Variants in MOSMO observed in about 807,000 individuals in gnomAD.
MOSMO encodes modulator of smoothened protein.
MOSMO carries 5 observed loss-of-function variants against 18.4 expected under a neutral mutation model. The observed-to-expected ratio is 0.27, with a 90% CI of 0.14 to 0.57. The LOEUF (loss-of-function observed/expected upper bound fraction) is 0.57. Ranked by LOEUF, MOSMO falls within the 20% of genes least tolerant of loss-of-function variation. The pLI is 0.92. For missense variants in MOSMO, 138 were observed against 211.8 expected, an observed-to-expected ratio of 0.65 and a Z score of 2.16; for synonymous variants, 82 against 82.3, an observed-to-expected ratio of 1.00 and a Z score of 0.02.
chr16:22,068,502 C>T (rs1476733452), intron 1 of MOSMO, among the ~76,000 whole-genome samples: 1 of 152,186 alleles, frequency 6.6e-6, no homozygotes, highest in Admixed American at 6.5e-5. Flanking sequence ...TTGTAACATT[C>T]CAAGAAAAAG....
chr16:22,039,146 A>G (rs1283517332), intron 1 of MOSMO, among the ~76,000 whole-genome samples: 2 of 152,188 alleles, frequency 1.3e-5, no homozygotes, highest in Admixed American at 6.5e-5. Context: ...ATACTGAATC[A>G]TATCAGTTTT....
intron 1 of MOSMO, among the ~76,000 whole-genome samples, chr16:22,042,636 T>C (rs2141732532): frequency 6.6e-6 from 1 of 152,200 alleles, no homozygotes; most frequent in Admixed American, 6.5e-5. Context: ...CTGTTGGAGG[T>C]ATATATTTTC....
rs6497566 is a variant in MOSMO at position 22,045,841 on chromosome 16, G to A, written c.107-29646G>A. Among the ~76,000 whole-genome samples, 313 of 151,290 alleles carry A rather than the reference G, an allele frequency of 2.1e-3. 2 individuals are homozygous for A. The highest frequency in any genetic ancestry group is 7.2e-3 in the African/African-American group (298 of 41,314). The stretch of plus-strand genomic sequence containing the variant: ...GGGGGCCTTGTCAAGAAAAATTTGA[G>A]TTAAGAGATATATATTTTTTTCTTT... On this transcript the variant is annotated intron_variant, in intron 1 of 2. Coordinates refer to ENST00000542527, the MANE Select transcript of MOSMO (RefSeq NM_001164579.2).
chr16:22,065,920 G>A (rs993760042), intron 1 of MOSMO, among the ~76,000 whole-genome samples: 3 of 152,156 alleles, frequency 2.0e-5, no homozygotes, highest in Admixed American at 2.0e-4. Flanking sequence ...AAAATTATTA[G>A]GTCAACCTTT....
intron 1 of MOSMO, among the ~76,000 whole-genome samples, chr16:22,025,723 C>A (rs1392111803): frequency 1.3e-5 from 2 of 152,146 alleles, no homozygotes; most frequent in Admixed American, 6.5e-5. Flanking sequence ...AGGTAACAAA[C>A]CCCCTACAAC....
intron 1 of MOSMO, among the ~76,000 whole-genome samples, chr16:22,065,107 C>A (rs948750349): frequency 7.9e-5 from 12 of 152,072 alleles, no homozygotes; most frequent in African/African-American, 2.7e-4. Flanking sequence ...TGGGATTAAA[C>A]CTAAGGTCAC....
chr16:22,075,465 C>T, intron 1 of MOSMO, 22 bp from the exon 2 acceptor site: 2 of 1,262,846 alleles, frequency 1.6e-6, no homozygotes, highest in Non-Finnish European at 2.0e-6. Flanking sequence ...CTAAAGTATT[C>T]CCACCATTTG....
intron 1 of MOSMO, among the ~76,000 whole-genome samples, chr16:22,051,773 G>C (rs1159271765): frequency 6.6e-6 from 1 of 152,204 alleles, no homozygotes; most frequent in Non-Finnish European, 1.5e-5. Context: ...GCTTGTGACT[G>C]ACTGGTGTCT....
At chr16:22,024,307 T>C (rs1397014029) in intron 1 of MOSMO, among the ~76,000 whole-genome samples, 1 of 151,982 alleles carries the variant, frequency 6.6e-6, no homozygotes. Context: ...TGATTTGGCC[T>C]AAATAATATT....
intron 1 of MOSMO, among the ~76,000 whole-genome samples, chr16:22,021,248 A>G (rs1899756963): frequency 6.6e-6 from 1 of 152,116 alleles, no homozygotes. Flanking sequence ...TAAGGAGAAA[A>G]ACAGTATTTT....
intron 1 of MOSMO, among the ~76,000 whole-genome samples, chr16:22,060,376 T>C (rs1318930831): frequency 2.0e-5 from 3 of 152,178 alleles, no homozygotes; most frequent in African/African-American, 7.2e-5. Flanking sequence ...TGATAAAGAT[T>C]TTAACAGGCC....
At chr16:22,049,706 A>G (rs1320561974) in intron 1 of MOSMO, among the ~76,000 whole-genome samples, 1 of 152,170 alleles carries the variant, frequency 6.6e-6, no homozygotes, top group African/African-American at 2.4e-5. Flanking sequence ...TCCTAAGACC[A>G]CAAAGTCAAC....
chr16:22,043,198 C>T (rs1226287445), intron 1 of MOSMO, among the ~76,000 whole-genome samples: 2 of 152,068 alleles, frequency 1.3e-5, no homozygotes, highest in African/African-American at 2.4e-5. Context: ...TGTCTTAGGC[C>T]ATTAGGTTGC....
At chr16:22,088,034 G>A (rs1413585707), downstream of MOSMO, among the ~76,000 whole-genome samples, 1 of 151,588 alleles carries the variant, frequency 6.6e-6, no homozygotes, top group Non-Finnish European at 1.5e-5. Context: ...ACCTGCCACT[G>A]CTTTTTTTTT....
At position 22,083,888 on chromosome 16, in the gene MOSMO, G is replaced by T; in HGVS notation, c.*3008G>T. On this transcript the variant is annotated 3_prime_UTR_variant, in exon 3 of 3. Transcript: ENST00000542527. ...CCAAAGGTAATCCATGTTCTATGTTGTTAATGTGTGTATGTAATTTTTCTG... is the reference window on the plus strand; with the variant it reads ...CCAAAGGTAATCCATGTTCTATGTTTTTAATGTGTGTATGTAATTTTTCTG... 3.1e-6 allele frequency: 1 copy of T among 324,338 alleles called. No individual in the cohort carries two copies. Among genetic ancestry groups the T allele is most frequent in the Non-Finnish European group, 5.9e-6 (1 of 169,030 alleles). 20.1% of individuals were successfully genotyped at this position (324,338 alleles called of 1,614,324 possible). A position where few individuals can be genotyped will look rare whatever the true frequency, so the allele number is the denominator to read the frequency against.
rs142803350 is a variant in MOSMO, at chr16:22,074,298, A to G, written c.107-1189A>G. 1.7e-3 allele frequency among the ~76,000 whole-genome samples: 262 copies of G among 152,298 alleles called. 7 individuals are homozygous for G. The East Asian group carries it at 0.047, about 27-fold the overall frequency. Reference sequence around the variant, plus strand: ...TGAGAAAATAATGCTGGCCAGGCACAGTGGCTCACACCTGTAATCTCAGCA... The same window carrying G: ...TGAGAAAATAATGCTGGCCAGGCACGGTGGCTCACACCTGTAATCTCAGCA... On this transcript the variant is annotated intron_variant, in intron 1 of 2. Transcript: ENST00000542527.
chr16:22,056,789 C>T (rs1003704906), intron 1 of MOSMO, among the ~76,000 whole-genome samples: 1 of 152,086 alleles, frequency 6.6e-6, no homozygotes, highest in African/African-American at 2.4e-5. Context: ...CGTTAGGAAC[C>T]AACATACTCC....
intron 1 of MOSMO, among the ~76,000 whole-genome samples, chr16:22,018,767 CAG>C (rs1241966597): frequency 6.6e-6 from 1 of 152,040 alleles, no homozygotes; most frequent in African/African-American, 2.4e-5. Context: ...ATCAGGCAAT[CAG>C]AGAGGAGGTG....
intron 1 of MOSMO, among the ~76,000 whole-genome samples, chr16:22,039,434 A>G (rs1400462628): frequency 6.6e-6 from 1 of 152,238 alleles, no homozygotes; most frequent in Admixed American, 6.5e-5. Context: ...ACAACTCAGT[A>G]AATGCTAGTT....
Sources: gnomAD v4.1 joint callset for allele counts (sites outside exome capture counted in the v4.1 genomes callset) on GRCh38, gnomAD v4.1.1 for gene constraint, MANE v1.5 for transcripts, NCBI Gene and HGNC (gene_info 2026-07-23, HGNC 2026-07-21) for gene names.